The following EXOC6B variants were observed in gnomAD, a reference collection of about 807,000 sequenced individuals.
The protein encoded by EXOC6B is exocyst complex component 6B.
In EXOC6B, 54 loss-of-function variants were observed where a neutral mutation model predicts 113.5. That is an observed-to-expected ratio of 0.48 (90% CI 0.38 to 0.60). The LOEUF (loss-of-function observed/expected upper bound fraction) is 0.60, where lower values mean the gene tolerates loss of function less well. Ranked by LOEUF, EXOC6B falls within the 20% of genes least tolerant of loss-of-function variation. EXOC6B has a pLI of 0.00. For missense variants in EXOC6B, 797 were observed against 977.5 expected, an observed-to-expected ratio of 0.82 and a Z score of 2.46; for synonymous variants, 357 against 339.0, an observed-to-expected ratio of 1.05 and a Z score of -0.58.
chr2:72,264,399 C>T (rs943593333), intron 20 of EXOC6B, among the ~76,000 whole-genome samples: 4 of 151,982 alleles, frequency 2.6e-5, no homozygotes, highest in Non-Finnish European at 4.4e-5. Context: ...GGTGAAACCC[C>T]GTCTCTACAA....
chr2:72,614,235 A>G lies in EXOC6B; in HGVS notation c.670-38567T>C, dbSNP rs183768690. Reference sequence around the variant, plus strand: ...GAAATGCTGTTAGAAAGGCACTAACAACAAAAGGACTAGACATTTAATAAA... The same window carrying G: ...GAAATGCTGTTAGAAAGGCACTAACGACAAAAGGACTAGACATTTAATAAA... On this transcript the variant is annotated intron_variant, in intron 6 of 21. Coordinates refer to ENST00000272427, the MANE Select transcript of EXOC6B (RefSeq NM_015189.3). Among the ~76,000 whole-genome samples, 123 of 152,320 alleles carry G rather than the reference A, an allele frequency of 8.1e-4. 1 individual carries two copies. The highest frequency in any genetic ancestry group is 1.0e-3 in the Non-Finnish European group (68 of 68,014).
chr2:72,382,721 C>T (rs1446458603), intron 18 of EXOC6B, among the ~76,000 whole-genome samples: 2 of 151,824 alleles, frequency 1.3e-5, no homozygotes, highest in East Asian at 1.9e-4. Flanking sequence ...TGTTTTTATA[C>T]TTCTCATTAT....
At chr2:72,343,788 GA>G (rs1689165874) in intron 19 of EXOC6B, among the ~76,000 whole-genome samples, 1 of 151,658 alleles carries the variant, frequency 6.6e-6, no homozygotes, top group Non-Finnish European at 1.5e-5. Context: ...CTAGTATTTT[GA>G]ATATATTGGC....
intron 1 of EXOC6B, among the ~76,000 whole-genome samples, chr2:72,783,163 C>G (rs538599218): frequency 6.7e-6 from 1 of 149,556 alleles, no homozygotes; most frequent in African/African-American, 2.5e-5. Flanking sequence ...ACTCCATACC[C>G]TTTCCAATAT....
chr2:72,419,510 C>T (rs634476), intron 18 of EXOC6B, among the ~76,000 whole-genome samples: 20,534 of 152,080 alleles, frequency 0.14, 1,707 homozygotes, highest in African/African-American at 0.24. Flanking sequence ...AGTCCCTCAG[C>T]TTTTGTTTAT....
intron 18 of EXOC6B, among the ~76,000 whole-genome samples, chr2:72,447,968 A>G (rs1696688029): frequency 6.6e-6 from 1 of 152,114 alleles, no homozygotes; most frequent in Non-Finnish European, 1.5e-5. Flanking sequence ...ACTCTAATCC[A>G]CTCATTAAAC....
At chr2:72,512,231 T>C (rs1225643524) in intron 11 of EXOC6B, among the ~76,000 whole-genome samples, 1 of 151,916 alleles carries the variant, frequency 6.6e-6, no homozygotes, top group Non-Finnish European at 1.5e-5. Context: ...CCAATCAAAA[T>C]ATAACTCTCT....
intron 20 of EXOC6B, among the ~76,000 whole-genome samples, chr2:72,223,282 G>T (rs1680988494): frequency 6.6e-6 from 1 of 152,140 alleles, no homozygotes; most frequent in South Asian, 2.1e-4. Context: ...TTTTAAATCG[G>T]ACCATACACA....
At chr2:72,408,618 C>T (rs901788861) in intron 18 of EXOC6B, among the ~76,000 whole-genome samples, 9 of 151,998 alleles carry the variant, frequency 5.9e-5, no homozygotes, top group South Asian at 2.1e-4. Context: ...AATGGGGGAA[C>T]GACTCCCTAT....
chr2:72,552,308 C>T (rs1385875281), intron 8 of EXOC6B, among the ~76,000 whole-genome samples: 3 of 152,156 alleles, frequency 2.0e-5, no homozygotes, highest in African/African-American at 7.2e-5. Context: ...CAACTGTGAA[C>T]TCCCTTATCC....
At chr2:72,568,524 G>C (rs1280130298) in intron 7 of EXOC6B, among the ~76,000 whole-genome samples, 1 of 151,768 alleles carries the variant, frequency 6.6e-6, no homozygotes, top group Admixed American at 6.6e-5. Context: ...GGAGAGAAAA[G>C]AAACATACAC....
intron 19 of EXOC6B, among the ~76,000 whole-genome samples, chr2:72,364,675 G>A (rs1479090254): frequency 6.6e-6 from 1 of 152,130 alleles, no homozygotes; most frequent in Admixed American, 6.6e-5. Context: ...CAGGCCATAA[G>A]ATGGGTATTA....
At chr2:72,560,843 A>T (rs916652579) in intron 7 of EXOC6B, among the ~76,000 whole-genome samples, 4 of 141,302 alleles carry the variant, frequency 2.8e-5, no homozygotes, top group African/African-American at 1.0e-4. Context: ...ACTTTACTTT[A>T]AAAAAAAAAA....
intron 6 of EXOC6B, among the ~76,000 whole-genome samples, chr2:72,644,502 T>C (rs1192150364): frequency 1.3e-5 from 2 of 151,906 alleles, no homozygotes; most frequent in Non-Finnish European, 2.9e-5. Context: ...TCACCAAAGT[T>C]GAAATGAAGG....
intron 12 of EXOC6B, among the ~76,000 whole-genome samples, chr2:72,499,533 ATTT>A (rs34288011): frequency 2.2e-5 from 3 of 138,338 alleles, no homozygotes; most frequent in Admixed American, 7.3e-5. Context: ...ACCCAGTCAG[ATTT>A]TTTTTTTTTT....
chr2:72,437,371 G>A lies in EXOC6B; in HGVS notation c.1980+27789C>T, dbSNP rs11890931. 4.0e-3 allele frequency among the ~76,000 whole-genome samples: 609 copies of A among 152,326 alleles called. 12 individuals carry two copies. Among genetic ancestry groups the A allele is most frequent in the African/African-American group, 0.014 (596 of 41,568 alleles). On this transcript the variant is annotated intron_variant, in intron 18 of 21. Coordinates refer to ENST00000272427, the MANE Select transcript of EXOC6B (RefSeq NM_015189.3). ...AGGTGTCTCCCAGTCAGAAGGCATG[G>A]GGGTCAGGGACCCACTTGAGGAGGC...
intron 18 of EXOC6B, among the ~76,000 whole-genome samples, chr2:72,436,905 A>G (rs957490265): frequency 2.0e-5 from 3 of 152,104 alleles, no homozygotes; most frequent in African/African-American, 7.2e-5. Context: ...ACTTCTGTCA[A>G]TTCATCAAAC....
chr2:72,682,626 T>C (rs2104550307), intron 6 of EXOC6B, among the ~76,000 whole-genome samples: 1 of 152,270 alleles, frequency 6.6e-6, no homozygotes, highest in East Asian at 1.9e-4. Context: ...AACAGAACTA[T>C]TCATTCAATT....
chr2:72,467,310 T>C (rs1350516225), intron 17 of EXOC6B, among the ~76,000 whole-genome samples: 1 of 152,232 alleles, frequency 6.6e-6, no homozygotes, highest in African/African-American at 2.4e-5. Context: ...TGCAGATATC[T>C]TGATGACATA....
Sources: gnomAD v4.1 joint callset for allele counts (sites outside exome capture counted in the v4.1 genomes callset) on GRCh38, gnomAD v4.1.1 for gene constraint, MANE v1.5 for transcripts, NCBI Gene and HGNC (gene_info 2026-07-23, HGNC 2026-07-21) for gene names.